OSBPL3: variants seen among roughly 807,000 people sequenced by gnomAD.
OSBPL3 encodes the protein oxysterol binding protein like 3.
Under a neutral mutation model 120.1 loss-of-function variants are expected in OSBPL3, and 65 were observed. The observed-to-expected ratio is 0.54, with a 90% confidence interval of 0.44 to 0.67. The LOEUF (loss-of-function observed/expected upper bound fraction) is 0.67. Ranked by LOEUF, OSBPL3 falls within the 30% of genes least tolerant of loss-of-function variation. OSBPL3 has a pLI of 0.00. For synonymous variants in OSBPL3, 416 were observed against 402.6 expected, an observed-to-expected ratio of 1.03 and a Z score of -0.40; for missense variants, 1,004 against 1,082.1, an observed-to-expected ratio of 0.93 and a Z score of 1.01.
chr7:24,852,339 A>C lies in OSBPL3; in HGVS notation c.1158+165T>G, dbSNP rs1408110303. 1.3e-5 allele frequency among the ~76,000 whole-genome samples: 2 copies of C among 152,234 alleles called. No homozygotes were observed. Among genetic ancestry groups the C allele is most frequent in the Admixed American group, 1.3e-4 (2 of 15,286 alleles). ...ACTAGCTATTAAGACTTGGATAGGT[A>C]AGTTTTGGTGTTTCAAATAAGCAGA... is the stretch of plus-strand genomic sequence containing the variant. On this transcript the variant is annotated intron_variant, in intron 11 of 22. Transcript: ENST00000313367. The surrounding 1 kb of genome is among the most constrained non-coding windows in gnomAD (Gnocchi z 4.1).
chr7:24,964,750 G>GT lies in OSBPL3; in HGVS notation c.-150+15135dup, dbSNP rs1246000807. Among the ~76,000 whole-genome samples, 4 of 152,172 alleles carry GT rather than the reference G, an allele frequency of 2.6e-5. No individual in the cohort carries two copies. Among genetic ancestry groups the GT allele is most frequent in the African/African-American group, 7.2e-5 (3 of 41,454 alleles). ...TTAATTGTGACAAAAGTATACTAAG[G>GT]TAAGATATTGACAATGGGAAAACCA... On this transcript the variant is annotated intron_variant, in intron 1 of 22. Coordinates refer to ENST00000313367, the MANE Select transcript of OSBPL3 (RefSeq NM_015550.4). The surrounding 1 kb of genome is among the most constrained non-coding windows in gnomAD (Gnocchi z 4.2).
In OSBPL3 at chr7:24,891,667, A is replaced by G. The variant is rs1389559007; in HGVS notation, c.96+710T>C. ...GTGCATTTACTGCCACTGATCTAAA[A>G]CCAGCAAATTCTGCCAACAAAGATT... On this transcript the variant is annotated intron_variant, in intron 2 of 22. Transcript: ENST00000313367. This position sits in a 1 kb window ranked among gnomAD's most constrained non-coding sequence, Gnocchi z 4.1. 2.0e-5 allele frequency among the ~76,000 whole-genome samples: 3 copies of G among 152,258 alleles called. No individual in the cohort carries two copies. Among genetic ancestry groups the G allele is most frequent in the African/African-American group, 4.8e-5 (2 of 41,464 alleles).
At position 24,819,800 on chromosome 7, in the gene OSBPL3, C is replaced by G. The variant is rs943039396; in HGVS notation, c.1948+375G>C. ...TATAAACTGAACAAAATTTTAGGAA[C>G]AATCATCTCAAAAATGAAAAGAAGT... On this transcript the variant is annotated intron_variant, in intron 17 of 22. Coordinates refer to ENST00000313367, the MANE Select transcript of OSBPL3 (RefSeq NM_015550.4). The surrounding 1 kb of genome is among the most constrained non-coding windows in gnomAD (Gnocchi z 4.1). 6.6e-6 allele frequency among the ~76,000 whole-genome samples: 1 copy of G among 151,940 alleles called. No individual in the cohort carries two copies. Among genetic ancestry groups the G allele is most frequent in the Admixed American group, 6.6e-5 (1 of 15,258 alleles).
In OSBPL3 at chr7:24,804,360, C is replaced by T. The variant is rs765416983; in HGVS notation, c.2522G>A (p.Arg841Gln). 1.2e-5 allele frequency: 19 copies of T among 1,613,980 alleles called. No homozygotes were observed. The highest frequency in any genetic ancestry group is 4.5e-5 in the East Asian group (2 of 44,890). ...CTCCACATGATTTTCTTCTAAGACC[C>T]GCCGCCTTTCTCTCTGCAGTTGTTC... ...RIEQLQRERR[R>Q]VLEENHVEHQ... is the part of the protein sequence containing the mutation. The change falls in exon 22 of 23, where the codon CGG becomes CAG. Residue 841 changes from arginine to glutamine, a missense_variant. Arg to Gln is a conservative substitution (Grantham distance 43). Transcript: ENST00000313367. This position sits in a 1 kb window ranked among gnomAD's most constrained non-coding sequence, Gnocchi z 5.4.
chr7:24,848,144 G>A (rs1798668155), intron 12 of OSBPL3, among the ~76,000 whole-genome samples: 1 of 152,268 alleles, frequency 6.6e-6, no homozygotes, highest in East Asian at 1.9e-4. Context: ...GCCTCAACTC[G>A]CCTCACCACC....
intron 1 of OSBPL3, among the ~76,000 whole-genome samples, chr7:24,917,466 T>TTTGTA (rs1809839075): frequency 8.3e-6 from 1 of 121,186 alleles, no homozygotes; most frequent in Non-Finnish European, 1.6e-5. Context: ...TATATATATA[T>TTTGTA]ATACACACAC....
intron 1 of OSBPL3, among the ~76,000 whole-genome samples, chr7:24,910,192 C>T (rs1374102181): frequency 6.6e-6 from 1 of 152,144 alleles, no homozygotes; most frequent in African/African-American, 2.4e-5. Flanking sequence ...TGGTAGACAT[C>T]CAATCTTCAA....
At chr7:24,963,594 C>T (rs1816034481) in intron 1 of OSBPL3, among the ~76,000 whole-genome samples, 1 of 152,192 alleles carries the variant, frequency 6.6e-6, no homozygotes, top group Non-Finnish European at 1.5e-5. Flanking sequence ...TGGGAGTACA[C>T]TGAACCAGAC....
intron 1 of OSBPL3, among the ~76,000 whole-genome samples, chr7:24,905,605 GA>G (rs1200551916): frequency 7.2e-5 from 11 of 152,200 alleles, no homozygotes; most frequent in Non-Finnish European, 1.3e-4. Flanking sequence ...GATTGAAGTG[GA>G]ATAAGCTCCG....
chr7:24,979,369 C>A (rs1197662531), intron 1 of OSBPL3, among the ~76,000 whole-genome samples: 1 of 152,110 alleles, frequency 6.6e-6, no homozygotes, highest in Admixed American at 6.5e-5. Flanking sequence ...CCCTGGGCCT[C>A]CAGCCCAGCA....
chr7:24,824,090 G>A lies in OSBPL3; in HGVS notation c.1885-3852C>T, dbSNP rs561369356. On this transcript the variant is annotated intron_variant, in intron 16 of 22. Coordinates refer to ENST00000313367, the MANE Select transcript of OSBPL3 (RefSeq NM_015550.4). This position sits in a 1 kb window ranked among gnomAD's most constrained non-coding sequence, Gnocchi z 4.9. ...TTTTTTAAGCATTCTTCCCTATCAC[G>A]TCCTCTCCAATCAAAGAAGAGCAAT... is the stretch of plus-strand genomic sequence containing the variant. 4.6e-5 allele frequency among the ~76,000 whole-genome samples: 7 copies of A among 151,898 alleles called. No individual in the cohort carries two copies. Among genetic ancestry groups the A allele is most frequent in the African/African-American group, 1.2e-4 (5 of 41,318 alleles).
Position 24,964,273 on chromosome 7 carries a change from T to C in OSBPL3, c.-150+15613A>G, listed in dbSNP as rs772205024. ...TAACTTACTTCCAAAGAGTATAGTA[T>C]GGAAAGGCGAAGAAAAAATAACCAT... is the stretch of plus-strand genomic sequence containing the variant. On this transcript the variant is annotated intron_variant, in intron 1 of 22. Coordinates refer to ENST00000313367, the MANE Select transcript of OSBPL3 (RefSeq NM_015550.4). This position sits in a 1 kb window ranked among gnomAD's most constrained non-coding sequence, Gnocchi z 4.2. Among the ~76,000 whole-genome samples the C allele has an allele frequency of 3.3e-5, 5 of 152,172 alleles. No homozygotes were observed.
At position 24,918,456 on chromosome 7, in the gene OSBPL3, C is replaced by A. The variant is rs1161602940; in HGVS notation, c.-149-25835G>T. 6.6e-6 allele frequency among the ~76,000 whole-genome samples: 1 copy of A among 152,142 alleles called. No homozygotes were observed. On this transcript the variant is annotated intron_variant, in intron 1 of 22. Transcript: ENST00000313367. This position sits in a 1 kb window ranked among gnomAD's most constrained non-coding sequence, Gnocchi z 4.3. ...GTATTTGGAAGAAAGAAGTGCCACT[C>A]GAGAGAGTTAAAACACTAAGTCAGC...
At chr7:24,828,675 C>T (rs533178009) in intron 16 of OSBPL3, among the ~76,000 whole-genome samples, 1 of 148,506 alleles carries the variant, frequency 6.7e-6, no homozygotes, top group Admixed American at 6.8e-5. Context: ...AGAGCAATAG[C>T]CATTTACTGA....
chr7:24,882,140 T>C (rs1803779246), intron 2 of OSBPL3, among the ~76,000 whole-genome samples: 1 of 152,180 alleles, frequency 6.6e-6, no homozygotes, highest in Non-Finnish European at 1.5e-5. Flanking sequence ...ATTTATAGGG[T>C]ACCTGTGCAA....
In OSBPL3 at chr7:24,940,818, C is replaced by CTT. The variant is rs113229664; in HGVS notation, c.-150+39066_-150+39067dup. Among the ~76,000 whole-genome samples, 107,429 of 144,950 alleles carry CTT rather than the reference C, an allele frequency of 0.74. 40,094 individuals are homozygous for CTT. The highest frequency in any genetic ancestry group is 0.81 in the African/African-American group (31,828 of 39,158). ...TTCTTAACATTTCTTCCTTTTTTTT[C>CTT]TTTTTTTTTTTGTGTGTGTGTGACG... On this transcript the variant is annotated intron_variant, in intron 1 of 22. Transcript: ENST00000313367. The surrounding 1 kb of genome is among the most constrained non-coding windows in gnomAD (Gnocchi z 4.4).
At position 24,861,612 on chromosome 7, in the gene OSBPL3, C is replaced by A; in HGVS notation, c.1027+1G>T. 1 of 1,580,050 alleles carries A rather than the reference C, an allele frequency of 6.3e-7. No homozygotes were observed. Among genetic ancestry groups the A allele is most frequent in the East Asian group, 2.3e-5 (1 of 44,274 alleles). On this transcript the variant is annotated splice_donor_variant, in intron 10 of 22. Transcript: ENST00000313367. LOFTEE classifies it high-confidence loss of function. ...ATTAGGAAGAAAGAAAACTCATTTACCTTTATGGGCAATATGACACAGATC... is the reference window on the plus strand; with the variant it reads ...ATTAGGAAGAAAGAAAACTCATTTAACTTTATGGGCAATATGACACAGATC...
intron 12 of OSBPL3, among the ~76,000 whole-genome samples, chr7:24,845,102 A>G (rs1391971493): frequency 6.6e-6 from 1 of 152,180 alleles, no homozygotes; most frequent in Non-Finnish European, 1.5e-5. Context: ...TCAAAGAATT[A>G]TTAATAACCT....
rs1481881017 is a variant in OSBPL3 at position 24,831,898 on chromosome 7, C to G, written c.1747-993G>C. 6.6e-6 allele frequency among the ~76,000 whole-genome samples: 1 copy of G among 152,156 alleles called. No homozygotes were observed. Among genetic ancestry groups the G allele is most frequent in the African/African-American group, 2.4e-5 (1 of 41,446 alleles). On this transcript the variant is annotated intron_variant, in intron 15 of 22. Transcript: ENST00000313367. The surrounding 1 kb of genome is among the most constrained non-coding windows in gnomAD (Gnocchi z 4.0). The stretch of plus-strand genomic sequence containing the variant: ...AGAATTCTCTAGAGCAGCTGGATGG[C>G]TTATAAAAATCAGCTATACTCGGCT...
Sources: allele counts gnomAD v4.1 joint callset (sites outside exome capture counted in the v4.1 genomes callset), GRCh38; gene constraint gnomAD v4.1.1; non-coding constraint Gnocchi (gnomAD v3.1); transcripts MANE v1.5; gene names NCBI Gene and HGNC (gene_info 2026-07-23, HGNC 2026-07-21).